TNK2: variants seen among roughly 807,000 people sequenced by gnomAD.
TNK2 encodes the protein activated CDC42 kinase 1.
A neutral mutation model predicts 101.8 loss-of-function variants in TNK2; 83 were observed. That is an observed-to-expected ratio of 0.82 (90% CI 0.68 to 0.98). TNK2 has a LOEUF of 0.98. TNK2 is among the 50% of genes least tolerant of loss of function. The probability of loss-of-function intolerance (pLI) is 0.00; values close to 1 mark genes in which losing one functional copy is unlikely to be tolerated. For synonymous variants in TNK2, 804 were observed against 633.0 expected, an observed-to-expected ratio of 1.27 and a Z score of -4.06; for missense variants, 1,665 against 1,483.2, an observed-to-expected ratio of 1.12 and a Z score of -2.01.
intron 9 of TNK2, chr3:195,876,472 A>G (rs963107854): frequency 8.8e-6 from 4 of 456,650 alleles, no homozygotes; most frequent in African/African-American, 8.0e-5. Context: ...AGACATGGAG[A>G]CGGAGGCAGC....
At chr3:195,869,921 C>G (rs926918047) in intron 11 of TNK2, 193 bp downstream of exon 11, 1 of 567,522 alleles carries the variant, frequency 1.8e-6, no homozygotes, top group Non-Finnish European at 3.1e-6. Context: ...CCGAGGAGGC[C>G]CACCTCGGCG....
chr3:195,890,452 TG>T (rs1279113711), intron 1 of TNK2, among the ~76,000 whole-genome samples: 9 of 144,050 alleles, frequency 6.2e-5, no homozygotes, highest in African/African-American at 1.1e-4. Context: ...TATAGTTTTT[TG>T]GTTTTTTTTT....
chr3:195,878,502 C>T lies in TNK2; in HGVS notation c.1105G>A (p.Ala369Thr). ...GTGGGTCTGTCCTCTGGCTTGTGAG[C>T]CCAGCACTGGACCATGACGTTGTAG... ...DIYNVMVQCW[A>T]HKPEDRPTFV... Residue 369 changes from alanine to threonine, a missense_variant, in exon 8 of 16, where the codon GCT (alanine) becomes ACT (threonine). Ala to Thr is a moderately conservative substitution (Grantham distance 58). This residue lies in a region of TNK2 where 490 missense variants were observed against 522.5 expected (regional missense o/e 0.94). Coordinates refer to ENST00000672887, the MANE Select transcript of TNK2 (RefSeq NM_001382273.1). This position sits in a 1 kb window ranked among gnomAD's most constrained non-coding sequence, Gnocchi z 4.7. 1 of 1,613,948 alleles carries T rather than the reference C, an allele frequency of 6.2e-7. No homozygotes were observed. Among genetic ancestry groups the T allele is most frequent in the Non-Finnish European group, 8.5e-7 (1 of 1,180,046 alleles).
At position 195,868,301 on chromosome 3, in the gene TNK2, T is replaced by C. The variant is rs1560475769; in HGVS notation, c.1997A>G (p.Asn666Ser). The C allele has an allele frequency of 1.2e-6, 2 of 1,603,716 alleles. No homozygotes were observed. The highest frequency in any genetic ancestry group is 1.7e-6 in the Non-Finnish European group (2 of 1,179,478). ...GACCCCCGCGCCCACGAGGGTGCTG[T>C]TGATGGAGCAGATCTCAAAGTCATC... ...DEDDFEICSI[N>S]STLVGAGVPA... is the part of the protein sequence containing the mutation. The change falls in exon 13 of 16, where the codon AAC becomes AGC. Residue 666 changes from asparagine to serine, a missense_variant. Physicochemically the swap from Asn to Ser is conservative, Grantham distance 46. Coordinates refer to ENST00000672887, the MANE Select transcript of TNK2 (RefSeq NM_001382273.1).
Position 195,888,137 on chromosome 3 carries a change from T to C in TNK2, c.163+289A>G, listed in dbSNP as rs1379786521. Among the ~76,000 whole-genome samples the C allele has an allele frequency of 1.3e-5, 2 of 152,086 alleles. No homozygotes were observed. The highest frequency in any genetic ancestry group is 2.9e-5 in the Non-Finnish European group (2 of 67,998). On this transcript the variant is annotated intron_variant, in intron 2 of 15. Coordinates refer to ENST00000672887, the MANE Select transcript of TNK2 (RefSeq NM_001382273.1). This position sits in a 1 kb window ranked among gnomAD's most constrained non-coding sequence, Gnocchi z 5.3. ...GAGAACAGACTCAATTCGATGCTTA[T>C]GAAGGAGGGGCAATGGAGGACATAC... is the stretch of plus-strand genomic sequence containing the variant.
chr3:195,877,114 A>G (rs1749841169), intron 9 of TNK2, among the ~76,000 whole-genome samples: 1 of 151,926 alleles, frequency 6.6e-6, no homozygotes, highest in African/African-American at 2.4e-5. Context: ...TGCTCCCCGG[A>G]GCGCCACGCT....
intron 9 of TNK2, among the ~76,000 whole-genome samples, chr3:195,875,721 C>T (rs1294608343): frequency 2.0e-5 from 3 of 152,166 alleles, no homozygotes; most frequent in Non-Finnish European, 1.5e-5. Context: ...GGCTGCTACC[C>T]GGCCGTGACT....
At position 195,878,183 on chromosome 3, in the gene TNK2, TGTCCACAG is replaced by T; in HGVS notation, c.1256+62_1256+69del. The stretch of plus-strand genomic sequence containing the variant: ...GGGAATCTTGGAGGCCAAACAGATC[TGTCCACAG>T]GTCCCTCCGACCTGTGCCCTTCAAG... On this transcript the variant is annotated intron_variant, in intron 9 of 15. Transcript: ENST00000672887. This position sits in a 1 kb window ranked among gnomAD's most constrained non-coding sequence, Gnocchi z 4.7. 3 of 1,517,720 alleles carry T rather than the reference TGTCCACAG, an allele frequency of 2.0e-6. No homozygotes were observed. Among genetic ancestry groups the T allele is most frequent in the Non-Finnish European group, 2.7e-6 (3 of 1,093,656 alleles). The allele number at this position is 1,517,720 out of a possible 1,614,324, so 94.0% of individuals were successfully genotyped here.
In TNK2 at chr3:195,887,887, C is replaced by CGCACGTGCATGCGTGCGT. The variant is rs1553914571; in HGVS notation, c.163+538_163+539insACGCACGCATGCACGTGC. ...GCGCAGGCGTGTGAGCGCGTGCGTA[C>CGCACGTGCATGCGTGCGT]GCACGTGCATGCGTGTGTGCACGTG... is the stretch of plus-strand genomic sequence containing the variant. On this transcript the variant is annotated intron_variant, in intron 2 of 15. Coordinates refer to ENST00000672887, the MANE Select transcript of TNK2 (RefSeq NM_001382273.1). 2.3e-3 allele frequency among the ~76,000 whole-genome samples: 338 copies of CGCACGTGCATGCGTGCGT among 144,936 alleles called. 1 individual carries two copies. The highest frequency in any genetic ancestry group is 7.5e-3 in the African/African-American group (283 of 37,736).
intron 1 of TNK2, among the ~76,000 whole-genome samples, chr3:195,899,834 A>T (rs1330569545): frequency 6.6e-6 from 1 of 151,872 alleles, no homozygotes; most frequent in African/African-American, 2.4e-5. Context: ...GTGTCTGCTG[A>T]GAAGGACTCA....
At chr3:195,892,794 G>GCCC (rs1759120286) in intron 1 of TNK2, 17 of 1,041,090 alleles carry the variant, frequency 1.6e-5, no homozygotes, top group African/African-American at 7.3e-5. Context: ...CTGCCCGCCC[G>GCCC]GCCGCCCTCC....
rs763672113 is a variant in TNK2, at chr3:195,882,187, G to T, written c.751C>A (p.Arg251Ser). ...AGCAGATTGCGGGCAGCCAGGTCAC[G>T]GTGAATAAAGCGCTTGGACTCCAGG... Reference protein sequence around the residue: ...GYLESKRFIHRDLAARNLLLA... With the variant: ...GYLESKRFIHSDLAARNLLLA... Residue 251 changes from arginine to serine, a missense_variant, in exon 6 of 16, where the codon CGT becomes AGT. By Grantham distance (110) the Arg-to-Ser change is moderately radical. Coordinates refer to ENST00000672887, the MANE Select transcript of TNK2 (RefSeq NM_001382273.1). The surrounding 1 kb of genome is among the most constrained non-coding windows in gnomAD (Gnocchi z 4.2). 2 of 1,613,788 alleles carry T rather than the reference G, an allele frequency of 1.2e-6. No individual in the cohort carries two copies. The highest frequency in any genetic ancestry group is 1.7e-6 in the Non-Finnish European group (2 of 1,180,040).
intron 1 of TNK2, among the ~76,000 whole-genome samples, chr3:195,900,713 G>A (rs564639606): frequency 2.0e-5 from 3 of 152,232 alleles, no homozygotes; most frequent in Non-Finnish European, 4.4e-5. Context: ...GCCAGGACAC[G>A]AGTGCCGCAG....
In TNK2 at chr3:195,878,558, A is replaced by G. The variant is rs767176473; in HGVS notation, c.1049T>C (p.Leu350Pro). 1 of 1,613,504 alleles carries G rather than the reference A, an allele frequency of 6.2e-7. No individual in the cohort carries two copies. The highest frequency in any genetic ancestry group is 8.5e-7 in the Non-Finnish European group (1 of 1,179,988). Residue 350 changes from leucine (L) to proline (P), a missense_variant, in exon 8 of 16, where the codon CTG (leucine) becomes CCG (proline). Leu to Pro is a moderately conservative substitution (Grantham distance 98, BLOSUM62 -3). Around this residue, in one of 3 missense-constraint regions of TNK2, gnomAD observed 490 missense variants for 522.5 expected, o/e 0.94. Transcript: ENST00000672887. The surrounding 1 kb of genome is among the most constrained non-coding windows in gnomAD (Gnocchi z 4.7). ...LHKIDKEGER[L>P]PRPEDCPQDI... is the part of the protein sequence containing the mutation. ...CTGGGGACAGTCCTCGGGCCGGGGC[A>G]GCCGCTCCCCCTCCTTGTCGATCTT...
chr3:195,872,125 G>A, intron 10 of TNK2, 151 bp downstream of exon 10: 2 of 905,834 alleles, frequency 2.2e-6, no homozygotes, highest in Non-Finnish European at 3.3e-6. Context: ...CTTCCCGAGA[G>A]TAAGGCCAGG....
At position 195,888,640 on chromosome 3, in the gene TNK2, T is replaced by C. The variant is rs3747670; in HGVS notation, c.-18-34A>G. 4.7e-5 allele frequency: 74 copies of C among 1,579,518 alleles called. 1 individual carries two copies. In the East Asian group the frequency reaches 1.6e-3, roughly 34 times the overall value. On this transcript the variant is annotated intron_variant, in intron 1 of 15. Coordinates refer to ENST00000672887, the MANE Select transcript of TNK2 (RefSeq NM_001382273.1). The surrounding 1 kb of genome is among the most constrained non-coding windows in gnomAD (Gnocchi z 5.3). ...GGAGGAGTGGCTCAGGGACAAGGGT[T>C]GTGGGGGGACAACAGGGGCCTGCCC... is the stretch of plus-strand genomic sequence containing the variant.
At chr3:195,901,404 C>G (rs780349787) in intron 1 of TNK2, among the ~76,000 whole-genome samples, 7 of 152,106 alleles carry the variant, frequency 4.6e-5, no homozygotes, top group Non-Finnish European at 5.9e-5. Flanking sequence ...ACACAGTGTA[C>G]AGGGGACAGA....
At chr3:195,895,933 G>A (rs958181078) in intron 1 of TNK2, 41 of 162,666 alleles carry the variant, frequency 2.5e-4, no homozygotes, top group South Asian at 7.6e-4. Context: ...CCGGCTCCGC[G>A]CCGCCTCCCA....
intron 1 of TNK2, among the ~76,000 whole-genome samples, chr3:195,900,529 C>A (rs1761095246): frequency 6.6e-6 from 1 of 152,228 alleles, no homozygotes; most frequent in South Asian, 2.1e-4. Context: ...GCTCCGCCAG[C>A]TGAAGACCGG....
Sources: allele counts gnomAD v4.1 joint callset (sites outside exome capture counted in the v4.1 genomes callset), GRCh38; gene constraint gnomAD v4.1.1; regional missense constraint gnomAD v4.1.1; non-coding constraint Gnocchi (gnomAD v3.1); transcripts MANE v1.5; gene names NCBI Gene and HGNC (gene_info 2026-07-23, HGNC 2026-07-21).